Variants in USP19 observed in about 807,000 individuals in gnomAD.
USP19 encodes ubiquitin carboxyl-terminal hydrolase 19.
A neutral mutation model predicts 144.8 loss-of-function variants in USP19; 40 were observed. That is an observed-to-expected ratio of 0.28 (90% CI 0.21 to 0.36). The LOEUF is 0.36. USP19 is among the 10% of genes least tolerant of loss of function. USP19 has a pLI of 1.00. For missense variants in USP19, 1,518 were observed against 1,822.5 expected, an observed-to-expected ratio of 0.83 and a Z score of 3.04; for synonymous variants, 701 against 709.3, an observed-to-expected ratio of 0.99 and a Z score of 0.19.
intron 26 of USP19, chr3:49,109,030 G>C (rs764377013): frequency 4.3e-6 from 7 of 1,613,584 alleles, no homozygotes; most frequent in Non-Finnish European, 5.9e-6. Context: ...CCGCCACGGT[G>C]CCCAGGACAA....
At chr3:49,118,309 T>C (rs2044539602) in intron 2 of USP19, among the ~76,000 whole-genome samples, 189 bp from the exon 3 acceptor site, 1 of 150,594 alleles carries the variant, frequency 6.6e-6, no homozygotes, top group African/African-American at 2.4e-5. Context: ...GGTTCACGCC[T>C]GCAATCCCAG....
chr3:49,114,678 T>C lies in USP19; in HGVS notation c.2292+85A>G. 5 of 1,461,120 alleles carry C rather than the reference T, an allele frequency of 3.4e-6. No individual in the cohort carries two copies. The highest frequency in any genetic ancestry group is 4.7e-6 in the Non-Finnish European group (5 of 1,053,452). The allele number at this position is 1,461,120 out of a possible 1,614,324, so 90.5% of individuals were successfully genotyped here. On this transcript the variant is annotated intron_variant, in intron 15 of 26. Transcript: ENST00000417901. This position sits in a 1 kb window ranked among gnomAD's most constrained non-coding sequence, Gnocchi z 4.5. ...TGCCCAAACCTTGCCCTGTAGCACC[T>C]TAAGATGCACATGCCTCTGAACCTA...
At position 49,109,421 on chromosome 3, in the gene USP19, G is replaced by A. The variant is rs974622634; in HGVS notation, c.4038+763C>T. On this transcript the variant is annotated intron_variant, in intron 26 of 26. Coordinates refer to ENST00000417901, the MANE Select transcript of USP19 (RefSeq NM_001199161.2). ...ACCCTAAACAGCTCTCAATCCACATGCAGCTCCGCATGGAGGTGGGAGGGG... is the reference window on the plus strand; with the variant it reads ...ACCCTAAACAGCTCTCAATCCACATACAGCTCCGCATGGAGGTGGGAGGGG... Among the ~76,000 whole-genome samples, 3 of 152,244 alleles carry A rather than the reference G, an allele frequency of 2.0e-5. No individual in the cohort carries two copies. The East Asian group carries it at 5.8e-4, about 29-fold the overall frequency.
rs766441170 is a variant in USP19, at chr3:49,116,867, G to T, written c.986C>A (p.Ala329Asp). The T allele has an allele frequency of 1.2e-6, 2 of 1,614,162 alleles. No individual in the cohort carries two copies. Among genetic ancestry groups the T allele is most frequent in the South Asian group, 1.1e-5 (1 of 91,088 alleles). ...CACTGCTTTCTCTCCTGCCAAAGGG[G>T]CTAAATTCTCCTCTGAGCCCAGGAG... ...TCLLGSEENLAPLAGEKAVPP... is the reference protein window; with the variant it reads ...TCLLGSEENLDPLAGEKAVPP... Residue 329 changes from alanine (A) to aspartate (D), a missense_variant, in exon 7 of 27, where the codon GCC (alanine) becomes GAC (aspartate). Physicochemically the swap from Ala to Asp is moderately radical, Grantham distance 126 (BLOSUM62 -2). This residue lies in a region of USP19 where 707 missense variants were observed against 728.9 expected (regional missense o/e 0.97). Coordinates refer to ENST00000417901, the MANE Select transcript of USP19 (RefSeq NM_001199161.2). This position sits in a 1 kb window ranked among gnomAD's most constrained non-coding sequence, Gnocchi z 5.0.
chr3:49,115,918 C>A lies in USP19; in HGVS notation c.1498G>T (p.Val500Leu). The change falls in exon 11 of 27, where the codon GTG becomes TTG. Residue 500 changes from valine (V) to leucine (L), a missense_variant. Physicochemically the swap from Val to Leu is conservative, Grantham distance 32 (BLOSUM62 1). Transcript: ENST00000417901. The surrounding 1 kb of genome is among the most constrained non-coding windows in gnomAD (Gnocchi z 6.6). The stretch of plus-strand genomic sequence containing the variant: ...TCCAGAGGGGTTGGACCTGTCGGCA[C>A]GGCAACCTTTGCACCACCCACTGCA... ...RGAVGGAKVA[V>L]PTGPTPLDST... 6.4e-7 allele frequency: 1 copy of A among 1,561,362 alleles called. No individual in the cohort carries two copies. The highest frequency in any genetic ancestry group is 8.7e-7 in the Non-Finnish European group (1 of 1,155,224).
chr3:49,119,172 G>A lies in USP19; in HGVS notation c.-27C>T. 2.5e-6 allele frequency: 4 copies of A among 1,602,318 alleles called. No individual in the cohort carries two copies. The highest frequency in any genetic ancestry group is 3.4e-6 in the Non-Finnish European group (4 of 1,174,642). On this transcript the variant is annotated 5_prime_UTR_variant, in exon 2 of 27. Transcript: ENST00000417901. ...TTGAGCCGCTTGGTCGACAGCCAGAGTGCCCCGGGGTCGGCAACAGCGTCT... is the reference window on the plus strand; with the variant it reads ...TTGAGCCGCTTGGTCGACAGCCAGAATGCCCCGGGGTCGGCAACAGCGTCT...
At position 49,116,637 on chromosome 3, in the gene USP19, C is replaced by T. The variant is rs1366544354; in HGVS notation, c.1127-30G>A. ...ATTGAGACCATGGCTCAGCCCCAAC[C>T]AGGACAGGTTCCAGCCTATTGCTAC... On this transcript the variant is annotated intron_variant, in intron 7 of 26. Coordinates refer to ENST00000417901, the MANE Select transcript of USP19 (RefSeq NM_001199161.2). This position sits in a 1 kb window ranked among gnomAD's most constrained non-coding sequence, Gnocchi z 5.0. The T allele has an allele frequency of 2.5e-6, 4 of 1,613,624 alleles. No individual in the cohort carries two copies. In the African/African-American group the frequency reaches 5.3e-5, roughly 22 times the overall value.
Position 49,110,231 on chromosome 3 carries a change from C to A in USP19, c.3991G>T (p.Glu1331Ter). The A allele has an allele frequency of 6.3e-7, 1 of 1,576,160 alleles. No individual in the cohort carries two copies. ...GCAGGGCCTAGGTCTGGGTGGTGCT[C>A]AGAGTGACCTGCCCTGGGGGGCCTC... ...VERPPRAGHSEHHPDLGPAAE... is the reference protein window; with the variant it reads ...VERPPRAGHS Residue 1331 changes from glutamate to a stop codon, truncating the protein, a stop_gained, in exon 26 of 27, where the codon GAG becomes TAG. Coordinates refer to ENST00000417901, the MANE Select transcript of USP19 (RefSeq NM_001199161.2). LOFTEE classifies it high-confidence loss of function. This position sits in a 1 kb window ranked among gnomAD's most constrained non-coding sequence, Gnocchi z 6.1.
Position 49,108,991 on chromosome 3 carries a change from GA to G in USP19, c.4039-464del. On this transcript the variant is annotated intron_variant, in intron 26 of 26. Coordinates refer to ENST00000417901, the MANE Select transcript of USP19 (RefSeq NM_001199161.2). The surrounding 1 kb of genome is among the most constrained non-coding windows in gnomAD (Gnocchi z 4.8). ...AGCGACTCTGGGATACCAGAGGATA[GA>G]ACACGTTGAGCACGAGGGCCACCAA... is the stretch of plus-strand genomic sequence containing the variant. The G allele has an allele frequency of 6.2e-7, 1 of 1,613,408 alleles. No homozygotes were observed. Among genetic ancestry groups the G allele is most frequent in the Non-Finnish European group, 8.5e-7 (1 of 1,179,802 alleles).
Position 49,110,390 on chromosome 3 carries a change from A to G in USP19, c.3860-28T>C. On this transcript the variant is annotated intron_variant, in intron 25 of 26. Coordinates refer to ENST00000417901, the MANE Select transcript of USP19 (RefSeq NM_001199161.2). The surrounding 1 kb of genome is among the most constrained non-coding windows in gnomAD (Gnocchi z 6.1). ...ACAGCAGGGTGGGAAGAGTGTGAAC[A>G]AAGTCTGCACCACCACCCCTACCAC... 1.2e-6 allele frequency: 2 copies of G among 1,601,416 alleles called. No individual in the cohort carries two copies. The highest frequency in any genetic ancestry group is 1.7e-6 in the Non-Finnish European group (2 of 1,172,064).
chr3:49,108,482 G>A lies in USP19; in HGVS notation c.4085C>T (p.Ala1362Val). 2 of 1,311,466 alleles carry A rather than the reference G, an allele frequency of 1.5e-6. No individual in the cohort carries two copies. The highest frequency in any genetic ancestry group is 2.0e-5 in the South Asian group (1 of 49,762). 81.2% of individuals were successfully genotyped at this position (1,311,466 alleles called of 1,614,324 possible). Reference sequence around the variant, plus strand: ...CACAGGGGGGGCGAAGCGTTCAGGGGCTGTCCGCGTGGGGGCCACCTCGGG... The same window carrying A: ...CACAGGGGGGGCGAAGCGTTCAGGGACTGTCCGCGTGGGGGCCACCTCGGG... ...QAPEVAPTRT[A>V]PERFAPPVDR... Residue 1362 changes from alanine to valine, a missense_variant, in exon 27 of 27, where the codon GCC (alanine) becomes GTC (valine). Coordinates refer to ENST00000417901, the MANE Select transcript of USP19 (RefSeq NM_001199161.2). This position sits in a 1 kb window ranked among gnomAD's most constrained non-coding sequence, Gnocchi z 4.8.
chr3:49,112,219 G>A lies in USP19; in HGVS notation c.2765+65C>T, dbSNP rs1469141690. 5 of 1,559,174 alleles carry A rather than the reference G, an allele frequency of 3.2e-6. No individual in the cohort carries two copies. The highest frequency in any genetic ancestry group is 4.3e-6 in the Non-Finnish European group (5 of 1,151,602). ...TAAGCATATGTGCCTTGGTGTGAAG[G>A]GAAGGAGCAGGGTGGCACATGGAAG... On this transcript the variant is annotated intron_variant, in intron 19 of 26. Coordinates refer to ENST00000417901, the MANE Select transcript of USP19 (RefSeq NM_001199161.2). The surrounding 1 kb of genome is among the most constrained non-coding windows in gnomAD (Gnocchi z 4.9).
Position 49,114,054 on chromosome 3 carries a change from C to T in USP19, c.2443G>A (p.Glu815Lys), listed in dbSNP as rs758825700. The T allele has an allele frequency of 4.5e-5, 73 of 1,614,108 alleles. No homozygotes were observed. Among genetic ancestry groups the T allele is most frequent in the South Asian group, 9.9e-5 (9 of 91,090 alleles). The change falls in exon 17 of 27, where the codon GAA (glutamate) becomes AAA (lysine). Residue 815 changes from glutamate to lysine, a missense_variant. This residue lies in a region of USP19 where 413 missense variants were observed against 515.8 expected (regional missense o/e 0.80). Transcript: ENST00000417901. This position sits in a 1 kb window ranked among gnomAD's most constrained non-coding sequence, Gnocchi z 4.5. ...SVSKENSTASEVLDSLSQSVH... is the reference protein window; with the variant it reads ...SVSKENSTASKVLDSLSQSVH... ...CTCTGAGAGAGGGAGTCCAATACTT[C>T]GCTCGCAGTGGAGTTCTCCTTGCTG...
chr3:49,113,207 G>GA (rs2043457755), intron 17 of USP19, among the ~76,000 whole-genome samples: 2 of 152,308 alleles, frequency 1.3e-5, no homozygotes, highest in East Asian at 3.9e-4. Context: ...CTGTTGCACA[G>GA]AAAAAATAAC....
Position 49,117,139 on chromosome 3 carries a change from C to T in USP19, c.829G>A (p.Gly277Arg), listed in dbSNP as rs2107520710. 1 of 1,548,210 alleles carries T rather than the reference C, an allele frequency of 6.5e-7. No homozygotes were observed. The change falls in exon 6 of 27, where the codon GGG (glycine) becomes AGG (arginine). Residue 277 changes from glycine (G) to arginine (R), a missense_variant. Physicochemically the swap from Gly to Arg is moderately radical, Grantham distance 125. Coordinates refer to ENST00000417901, the MANE Select transcript of USP19 (RefSeq NM_001199161.2). This position sits in a 1 kb window ranked among gnomAD's most constrained non-coding sequence, Gnocchi z 4.4. Reference protein sequence around the residue: ...SAKRAVHLCRGPEGDGSRDDP... With the variant: ...SAKRAVHLCRRPEGDGSRDDP... ...TCCCTGGACCCGTCCCCCTCTGGCC[C>T]TCTGCAGAGATGCACAGCCCTCTTG...
chr3:49,110,749 C>G lies in USP19; in HGVS notation c.3660G>C (p.Trp1220Cys), dbSNP rs1282854286. ...LKRFSFRSFIWRDKINDLVEF... is the reference protein window; with the variant it reads ...LKRFSFRSFICRDKINDLVEF... ...CCACCAAGTCATTGATCTTGTCACGCCAGATAAAACTACGAAAGGAGAAGC... is the reference window on the plus strand; with the variant it reads ...CCACCAAGTCATTGATCTTGTCACGGCAGATAAAACTACGAAAGGAGAAGC... Residue 1220 changes from tryptophan to cysteine, a missense_variant, in exon 24 of 27, where the codon TGG becomes TGC. This residue lies in a region of USP19 where 122 missense variants were observed against 200.4 expected (regional missense o/e 0.61). Coordinates refer to ENST00000417901, the MANE Select transcript of USP19 (RefSeq NM_001199161.2). This position sits in a 1 kb window ranked among gnomAD's most constrained non-coding sequence, Gnocchi z 6.1. 6.2e-7 allele frequency: 1 copy of G among 1,614,168 alleles called. No homozygotes were observed. The highest frequency in any genetic ancestry group is 1.7e-5 in the Admixed American group (1 of 60,022).
In USP19 at chr3:49,115,243, C is replaced by T; in HGVS notation, c.2007G>A (p.Gln669=). The T allele has an allele frequency of 6.2e-7, 1 of 1,613,920 alleles. No individual in the cohort carries two copies. Among genetic ancestry groups the T allele is most frequent in the Non-Finnish European group, 8.5e-7 (1 of 1,179,950 alleles). Residue 669 remains glutamine, a synonymous_variant, in exon 13 of 27, where the codon CAG becomes CAA. Transcript: ENST00000417901. The surrounding 1 kb of genome is among the most constrained non-coding windows in gnomAD (Gnocchi z 6.6). The part of the protein sequence containing the change: ...ALWKGTHHAF[Q]PSKLKAIVAS... ...CACAGATCACCTTCAACTTGGAAGGCTGGAAGGCATGGTGGGTGCCCTTCC... is the reference window on the plus strand; with the variant it reads ...CACAGATCACCTTCAACTTGGAAGGTTGGAAGGCATGGTGGGTGCCCTTCC...
In USP19 at chr3:49,115,150, C is replaced by G; in HGVS notation, c.2023-33G>C. 6.2e-7 allele frequency: 1 copy of G among 1,613,108 alleles called. No homozygotes were observed. The highest frequency in any genetic ancestry group is 8.5e-7 in the Non-Finnish European group (1 of 1,179,524). ...CAGGAGCCAAGGTGTGAACATGAAG[C>G]CCTAGCACCCACTGCACACCCAGCT... On this transcript the variant is annotated intron_variant, in intron 13 of 26. Coordinates refer to ENST00000417901, the MANE Select transcript of USP19 (RefSeq NM_001199161.2). This position sits in a 1 kb window ranked among gnomAD's most constrained non-coding sequence, Gnocchi z 6.6.
chr3:49,113,923 G>T, intron 17 of USP19, 69 bp downstream of exon 17: 1 of 1,525,556 alleles, frequency 6.6e-7, no homozygotes, highest in Non-Finnish European at 9.0e-7. Flanking sequence ...GCCAATGACT[G>T]TACACACGTC....
Sources: gnomAD v4.1 joint callset for allele counts (sites outside exome capture counted in the v4.1 genomes callset) on GRCh38, gnomAD v4.1.1 for gene constraint, gnomAD v4.1.1 regional missense constraint, Gnocchi (gnomAD v3.1) non-coding constraint, MANE v1.5 for transcripts, NCBI Gene and HGNC (gene_info 2026-07-23, HGNC 2026-07-21) for gene names.